SYT2: variants seen among roughly 807,000 people sequenced by gnomAD.
SYT2 encodes synaptotagmin-2.
SYT2 carries 15 observed loss-of-function variants against 39.9 expected under a neutral mutation model. The ratio of observed to expected loss-of-function variants is 0.38; its 90% CI spans 0.25 to 0.58. The LOEUF is 0.58. SYT2 is among the 20% of genes least tolerant of loss of function. The pLI is 0.70. For missense variants in SYT2, 389 were observed against 530.3 expected (o/e 0.73, Z 2.62); for synonymous variants, 181 against 204.5 (o/e 0.89, Z 0.98).
chr1:202,613,769 C>T, intron 1 of SYT2, among the ~76,000 whole-genome samples: 1 of 152,192 alleles, frequency 6.6e-6, no homozygotes, highest in East Asian at 1.9e-4. Flanking sequence ...ACCCCACCCT[C>T]TCACTCTCCA....
chr1:202,688,500 G>C (rs1466946110), intron 1 of SYT2, among the ~76,000 whole-genome samples: 1 of 152,236 alleles, frequency 6.6e-6, no homozygotes, highest in Non-Finnish European at 1.5e-5. Context: ...CAGGTATCAA[G>C]TGGAGAAATG....
At chr1:202,667,501 G>A (rs1455062136) in intron 1 of SYT2, among the ~76,000 whole-genome samples, 2 of 137,288 alleles carry the variant, frequency 1.5e-5, no homozygotes, top group African/African-American at 5.1e-5. Flanking sequence ...GTGTGTGTGT[G>A]TGTGTGTGTG....
chr1:202,638,027 G>A (rs900816233), intron 1 of SYT2, among the ~76,000 whole-genome samples: 2 of 152,232 alleles, frequency 1.3e-5, no homozygotes, highest in Non-Finnish European at 2.9e-5. Context: ...CCGGTAGGAA[G>A]TCCTTCCTTG....
intron 1 of SYT2, among the ~76,000 whole-genome samples, chr1:202,652,363 GC>G (rs1485785117): frequency 1.3e-5 from 2 of 152,226 alleles, no homozygotes; most frequent in Non-Finnish European, 2.9e-5. Flanking sequence ...AGTGGGTTCA[GC>G]CTCTGTCTTC....
chr1:202,650,952 C>T (rs1392819374), intron 1 of SYT2, among the ~76,000 whole-genome samples: 8 of 151,814 alleles, frequency 5.3e-5, no homozygotes, highest in Non-Finnish European at 1.0e-4. Context: ...CTGGGCATGC[C>T]GCCTGGAGGC....
chr1:202,705,091 T>C (rs994722935), intron 1 of SYT2, among the ~76,000 whole-genome samples: 2 of 152,240 alleles, frequency 1.3e-5, no homozygotes, highest in African/African-American at 4.8e-5. Flanking sequence ...TTGCCATAGG[T>C]AGAGCTGGTG....
chr1:202,591,019 C>T lies in SYT2; in HGVS notation c.*5738G>A, dbSNP rs1427545307. On this transcript the variant is annotated 3_prime_UTR_variant, in exon 9 of 9. Coordinates refer to ENST00000367268, the MANE Select transcript of SYT2 (RefSeq NM_177402.5). ...CATCACCTCACCAGACAGATGCTCTCTCAACTCTTGCCTCAATTTGTCTCT... is the reference window on the plus strand; with the variant it reads ...CATCACCTCACCAGACAGATGCTCTTTCAACTCTTGCCTCAATTTGTCTCT... The T allele has an allele frequency of 6.6e-6, 1 of 152,350 alleles. No individual in the cohort carries two copies. Among genetic ancestry groups the T allele is most frequent in the East Asian group, 1.9e-4 (1 of 5,194 alleles). The allele number at this position is 152,350 out of a possible 1,614,324, so 9.4% of individuals were successfully genotyped here.
Position 202,605,405 on chromosome 1 carries a change from T to C in SYT2, c.178+190A>G. The C allele has an allele frequency of 1.2e-5, 6 of 493,224 alleles. No homozygotes were observed. The Admixed American group carries it at 2.1e-4, about 17-fold the overall frequency. The allele number at this position is 493,224 out of a possible 1,614,324, so 30.6% of individuals were successfully genotyped here. On this transcript the variant is annotated intron_variant, in intron 2 of 8. Transcript: ENST00000367268. Reference sequence around the variant, plus strand: ...AGAAGTTGACGCACATAAACCCCCTTGTTTGCCACATTAGTGGCAGATCCT... The same window carrying C: ...AGAAGTTGACGCACATAAACCCCCTCGTTTGCCACATTAGTGGCAGATCCT...
chr1:202,621,467 TAA>T (rs1691200110), intron 1 of SYT2, among the ~76,000 whole-genome samples: 1 of 152,068 alleles, frequency 6.6e-6, no homozygotes, highest in South Asian at 2.1e-4. Flanking sequence ...TGGCTAGTTT[TAA>T]AGTTTTTCAT....
In SYT2 at chr1:202,601,441, C is replaced by T. The variant is rs927064193; in HGVS notation, c.801+449G>A. On this transcript the variant is annotated intron_variant, in intron 6 of 8. Transcript: ENST00000367268. The surrounding 1 kb of genome is among the most constrained non-coding windows in gnomAD (Gnocchi z 4.0). ...TTTTAGGTACACAGCAATTGCTCAG[C>T]AAATATTTAGTGAGTGAATGGATGC... 1.3e-5 allele frequency among the ~76,000 whole-genome samples: 2 copies of T among 152,172 alleles called. No homozygotes were observed.
intron 1 of SYT2, among the ~76,000 whole-genome samples, chr1:202,664,171 T>G (rs1692440884): frequency 6.6e-6 from 1 of 152,104 alleles, no homozygotes; most frequent in Non-Finnish European, 1.5e-5. Flanking sequence ...GACCTTTCCA[T>G]GTACAGGGAA....
chr1:202,620,421 T>G (rs1203106673), intron 1 of SYT2, among the ~76,000 whole-genome samples: 3 of 151,790 alleles, frequency 2.0e-5, no homozygotes, highest in African/African-American at 4.8e-5. Context: ...GAGTTAGGAG[T>G]TGGGGAGCAG....
intron 1 of SYT2, among the ~76,000 whole-genome samples, chr1:202,634,327 G>C (rs1413142717): frequency 1.3e-5 from 2 of 152,152 alleles, no homozygotes; most frequent in Admixed American, 1.3e-4. Context: ...AGACCAGCCT[G>C]ACCAACATGG....
chr1:202,647,800 G>T (rs952064667), intron 1 of SYT2, among the ~76,000 whole-genome samples: 1 of 152,012 alleles, frequency 6.6e-6, no homozygotes, highest in Admixed American at 6.6e-5. Context: ...AGTGCTAAGA[G>T]AGACCCTCTC....
chr1:202,670,937 A>C (rs780015734), intron 1 of SYT2, among the ~76,000 whole-genome samples: 4 of 152,236 alleles, frequency 2.6e-5, no homozygotes, highest in Non-Finnish European at 4.4e-5. Flanking sequence ...AATGTTCACC[A>C]TCCCAAGGCC....
Position 202,623,229 on chromosome 1 carries a change from G to A in SYT2, c.-17-17440C>T, listed in dbSNP as rs188940963. Among the ~76,000 whole-genome samples, 1 of 152,356 alleles carries A rather than the reference G, an allele frequency of 6.6e-6. No homozygotes were observed. The highest frequency in any genetic ancestry group is 6.5e-5 in the Admixed American group (1 of 15,310). Reference sequence around the variant, plus strand: ...CCGCCATCCCCATGGGAGAGGAGCTGGAGTCCAGGCTCCCTGGAGAGGGAG... The same window carrying A: ...CCGCCATCCCCATGGGAGAGGAGCTAGAGTCCAGGCTCCCTGGAGAGGGAG... On this transcript the variant is annotated intron_variant, in intron 1 of 8. Transcript: ENST00000367268. The surrounding 1 kb of genome is among the most constrained non-coding windows in gnomAD (Gnocchi z 4.2).
intron 1 of SYT2, among the ~76,000 whole-genome samples, chr1:202,609,336 C>T (rs4950783): frequency 0.87 from 131,894 of 151,806 alleles, 60,176 homozygotes; most frequent in East Asian, 1. Context: ...CCGCAATGAA[C>T]ATACGTGTGC....
intron 1 of SYT2, among the ~76,000 whole-genome samples, chr1:202,684,484 T>C (rs985034736): frequency 1.3e-5 from 2 of 152,242 alleles, no homozygotes; most frequent in Admixed American, 6.5e-5. Context: ...CTTTTTTAAA[T>C]GGCTAAATAA....
intron 1 of SYT2, among the ~76,000 whole-genome samples, chr1:202,664,012 G>A (rs532948012): frequency 4.2e-4 from 64 of 152,286 alleles, no homozygotes; most frequent in African/African-American, 1.3e-3. Context: ...AGGCAGCATC[G>A]GGGATGTCAG....
Sources: gnomAD v4.1 joint callset for allele counts (sites outside exome capture counted in the v4.1 genomes callset) on GRCh38, gnomAD v4.1.1 for gene constraint, Gnocchi (gnomAD v3.1) non-coding constraint, MANE v1.5 for transcripts, NCBI Gene and HGNC (gene_info 2026-07-23, HGNC 2026-07-21) for gene names.